The following FGF14 variants were observed in gnomAD, a reference collection of about 807,000 sequenced individuals.
FGF14 encodes the protein fibroblast growth factor homologous factor 4.
FGF14 carries 5 observed loss-of-function variants against 25.5 expected under a neutral mutation model. The ratio of observed to expected loss-of-function variants is 0.20; its 90% CI spans 0.10 to 0.41. The LOEUF is 0.41. FGF14 is among the 10% of genes least tolerant of loss of function. The pLI is 1.00. For missense variants in FGF14, 222 were observed against 320.1 expected, an observed-to-expected ratio of 0.69 and a Z score of 2.34; for synonymous variants, 138 against 118.3, an observed-to-expected ratio of 1.17 and a Z score of -1.08.
chr13:101,868,183 A>G (rs1220875581), intron 3 of FGF14, among the ~76,000 whole-genome samples: 1 of 152,120 alleles, frequency 6.6e-6, no homozygotes, highest in Non-Finnish European at 1.5e-5. Context: ...CTGAGTGCAA[A>G]TCGGTTGTAA....
At chr13:102,024,375 T>C (rs1301641744) in intron 1 of FGF14, among the ~76,000 whole-genome samples, 1 of 152,078 alleles carries the variant, frequency 6.6e-6, no homozygotes, top group Non-Finnish European at 1.5e-5. Flanking sequence ...TAATGACTAA[T>C]GATGTTGAGC....
chr13:101,884,194 T>A lies in FGF14; in HGVS notation c.194-8898A>T, dbSNP rs1193124111. Among the ~76,000 whole-genome samples, 3 of 151,772 alleles carry A rather than the reference T, an allele frequency of 2.0e-5. No homozygotes were observed. The East Asian group carries it at 5.8e-4, about 29-fold the overall frequency. ...GCCTCTGTGATCTGGCCTCTCACGC[T>A]GCCCAGGTACCACTCAGCTGTGCTC... On this transcript the variant is annotated intron_variant, in intron 1 of 4. Transcript: ENST00000376143.
chr13:102,161,661 GAAGAAGAAGAAGAA>G (rs2047743308), intron 1 of FGF14, among the ~76,000 whole-genome samples: 2 of 26,276 alleles, frequency 7.6e-5, no homozygotes, highest in African/African-American at 1.6e-4. Flanking sequence ...AGAAGAAGAA[GAAGAAGAAGAAGAA>G]GAAGAAGAAG....
chr13:102,352,805 C>G (rs1380103010), intron 1 of FGF14, among the ~76,000 whole-genome samples: 2 of 133,884 alleles, frequency 1.5e-5, no homozygotes, highest in African/African-American at 3.0e-5. Context: ...GAGCGAGACT[C>G]TGTCTCAAAA....
At chr13:102,212,361 A>C (rs1405106079) in intron 1 of FGF14, among the ~76,000 whole-genome samples, 1 of 152,190 alleles carries the variant, frequency 6.6e-6, no homozygotes, top group Non-Finnish European at 1.5e-5. Context: ...TCTAACATGC[A>C]ATAGTCCCAG....
intron 1 of FGF14, chr13:102,299,869 G>A (rs538414500): frequency 3.3e-5 from 5 of 152,182 alleles, no homozygotes; most frequent in Admixed American, 3.3e-4. Flanking sequence ...CACAAAATAT[G>A]AGTAAAAACA....
chr13:102,182,342 G>A (rs1482359881), intron 1 of FGF14, among the ~76,000 whole-genome samples: 1 of 152,118 alleles, frequency 6.6e-6, no homozygotes, highest in Non-Finnish European at 1.5e-5. Context: ...GCCTCTGGAG[G>A]GGCAGAGCCC....
intron 4 of FGF14, among the ~76,000 whole-genome samples, chr13:101,724,616 AT>A (rs2035259782): frequency 1.4e-5 from 2 of 144,270 alleles, no homozygotes; most frequent in Admixed American, 1.4e-4. Flanking sequence ...ATATATATAT[AT>A]ATATATATAT....
At chr13:101,881,933 A>T (rs2045731927) in intron 1 of FGF14, among the ~76,000 whole-genome samples, 1 of 152,132 alleles carries the variant, frequency 6.6e-6, no homozygotes, top group South Asian at 2.1e-4. Context: ...ATTAGTAAGG[A>T]CTACACTGCC....
chr13:101,753,270 TACAC>T (rs928062758), intron 3 of FGF14, among the ~76,000 whole-genome samples: 23 of 141,398 alleles, frequency 1.6e-4, no homozygotes, highest in Non-Finnish European at 2.3e-4. Flanking sequence ...TATGATCAAA[TACAC>T]ACACACACAG....
At chr13:102,164,563 C>A (rs1228335778) in intron 1 of FGF14, among the ~76,000 whole-genome samples, 1 of 152,108 alleles carries the variant, frequency 6.6e-6, no homozygotes. Context: ...GCAATTAAGA[C>A]CAGGATGGGG....
At chr13:102,106,404 C>T (rs2044917596) in intron 1 of FGF14, among the ~76,000 whole-genome samples, 2 of 152,002 alleles carry the variant, frequency 1.3e-5, no homozygotes, top group South Asian at 4.1e-4. Flanking sequence ...AACCCTGCCT[C>T]TACTAAAAAT....
intron 1 of FGF14, among the ~76,000 whole-genome samples, chr13:102,146,885 G>T (rs1207446103): frequency 6.6e-6 from 1 of 152,118 alleles, no homozygotes; most frequent in Non-Finnish European, 1.5e-5. Context: ...AAATAACAGG[G>T]CCCATGAGGG....
At chr13:102,173,572 C>T (rs2140694077) in intron 1 of FGF14, among the ~76,000 whole-genome samples, 1 of 152,248 alleles carries the variant, frequency 6.6e-6, no homozygotes, top group Non-Finnish European at 1.5e-5. Context: ...GATGTGGAAA[C>T]AACCCAAATG....
chr13:101,715,822 T>C lies in FGF14; in HGVS notation c.*7009A>G, dbSNP rs1345737543. ...CCGAGTACCTATTAGAAATGAGTTA[T>C]GCAAATTTAGATGCAAATAACATTA... On this transcript the variant is annotated 3_prime_UTR_variant, in exon 5 of 5. Transcript: ENST00000376143. 1 of 486,014 alleles carries C rather than the reference T, an allele frequency of 2.1e-6. No individual in the cohort carries two copies. Among genetic ancestry groups the C allele is most frequent in the African/African-American group, 2.0e-5 (1 of 50,578 alleles). 30.1% of individuals were successfully genotyped at this position (486,014 alleles called of 1,614,324 possible). A position where few individuals can be genotyped will look rare whatever the true frequency, so the allele number is the denominator to read the frequency against.
intron 1 of FGF14, among the ~76,000 whole-genome samples, chr13:102,097,997 A>G (rs1347879106): frequency 1.3e-5 from 2 of 152,222 alleles, no homozygotes; most frequent in African/African-American, 4.8e-5. Flanking sequence ...ACTGGAATGC[A>G]CTAGGGCTCA....
chr13:101,916,355 G>T, intron 1 of FGF14, 98 bp downstream of exon 1: 1 of 1,461,270 alleles, frequency 6.8e-7, no homozygotes, highest in Non-Finnish European at 9.6e-7. Flanking sequence ...GCCGGGGTGG[G>T]CCGGGAAAAC....
intron 1 of FGF14, among the ~76,000 whole-genome samples, chr13:102,024,941 G>GTA (rs35005396): frequency 0.034 from 5,113 of 149,278 alleles, 256 homozygotes; most frequent in African/African-American, 0.12. Context: ...TTTTACTGGT[G>GTA]TATATATATA....
At chr13:102,004,621 T>G (rs1404558690) in intron 1 of FGF14, among the ~76,000 whole-genome samples, 1 of 152,176 alleles carries the variant, frequency 6.6e-6, no homozygotes, top group African/African-American at 2.4e-5. Context: ...ATCTTATTCC[T>G]CAGTAATTAT....
Sources: gnomAD v4.1 joint callset for allele counts (sites outside exome capture counted in the v4.1 genomes callset) on GRCh38, gnomAD v4.1.1 for gene constraint, MANE v1.5 for transcripts, NCBI Gene and HGNC (gene_info 2026-07-23, HGNC 2026-07-21) for gene names.